The following FAF1 variants were observed in gnomAD, a reference collection of about 807,000 sequenced individuals.
FAF1 encodes FAS-associated factor 1.
Under a neutral mutation model 92.5 loss-of-function variants are expected in FAF1, and 25 were observed. The observed-to-expected ratio is 0.27, with a 90% confidence interval of 0.20 to 0.38. FAF1 has a LOEUF of 0.38. Ranked by LOEUF, FAF1 falls within the 10% of genes least tolerant of loss-of-function variation. The probability of loss-of-function intolerance (pLI) is 1.00; values close to 1 mark genes in which losing one functional copy is unlikely to be tolerated. For synonymous variants in FAF1, 234 were observed against 273.2 expected (o/e 0.86, Z 1.42); for missense variants, 636 against 793.3 (o/e 0.80, Z 2.38).
At chr1:50,846,502 G>T in intron 2 of FAF1, 1 of 493,788 alleles carries the variant, frequency 2.0e-6, no homozygotes, top group South Asian at 1.5e-5. Flanking sequence ...AATCCTGAAA[G>T]CCATGCCGCG....
In FAF1 at chr1:50,548,697, ACT is replaced by A. The variant is rs569841001; in HGVS notation, c.1269-8971_1269-8970del. Among the ~76,000 whole-genome samples, 11 of 152,342 alleles carry A rather than the reference ACT, an allele frequency of 7.2e-5. No homozygotes were observed. In the South Asian group the frequency reaches 2.3e-3, roughly 32 times the overall value. On this transcript the variant is annotated intron_variant, in intron 13 of 18. Coordinates refer to ENST00000396153, the MANE Select transcript of FAF1 (RefSeq NM_007051.3). ...TACTGTCTAATTTTTAGCAAACTGT[ACT>A]TTTTATATAATTTCATCCTGTCACC... is the stretch of plus-strand genomic sequence containing the variant.
At chr1:50,734,221 T>C in intron 6 of FAF1, among the ~76,000 whole-genome samples, 1 of 152,234 alleles carries the variant, frequency 6.6e-6, no homozygotes, top group Admixed American at 6.5e-5. Context: ...TTCTCCTTCC[T>C]TCACCATCAA....
At chr1:50,590,198 C>CA (rs1275367361) in intron 9 of FAF1, among the ~76,000 whole-genome samples, 5 of 152,116 alleles carry the variant, frequency 3.3e-5, no homozygotes, top group African/African-American at 1.2e-4. Flanking sequence ...TCTATTTCTG[C>CA]AAAAAACCAC....
At position 50,503,860 on chromosome 1, in the gene FAF1, G is replaced by A. The variant is rs572869796; in HGVS notation, c.1495-12059C>T. 7.9e-5 allele frequency among the ~76,000 whole-genome samples: 12 copies of A among 152,288 alleles called. No individual in the cohort carries two copies. In the South Asian group the frequency reaches 1.9e-3, roughly 24 times the overall value. On this transcript the variant is annotated intron_variant, in intron 15 of 18. Transcript: ENST00000396153. ...CAAATCTATGCTGACAGAAAGTTCA[G>A]TGGATATGTGGGACTTGGCTTGACA... is the stretch of plus-strand genomic sequence containing the variant.
At chr1:50,570,866 G>A (rs905204613) in intron 12 of FAF1, among the ~76,000 whole-genome samples, 3 of 152,214 alleles carry the variant, frequency 2.0e-5, no homozygotes, top group Non-Finnish European at 4.4e-5. Flanking sequence ...CAGGCCAAAA[G>A]AGTGAGAACT....
intron 4 of FAF1, 51 bp from the exon 5 acceptor site, chr1:50,744,826 C>T (rs1659523215): frequency 2.7e-6 from 3 of 1,100,888 alleles, no homozygotes; most frequent in Non-Finnish European, 4.1e-6. Flanking sequence ...ACACAGTTAA[C>T]ATTTGTCCAT....
At chr1:50,708,534 T>C (rs1375480985) in intron 6 of FAF1, among the ~76,000 whole-genome samples, 3 of 148,550 alleles carry the variant, frequency 2.0e-5, no homozygotes, top group Non-Finnish European at 4.5e-5. Context: ...AAAAAAAAAA[T>C]GTCATGTAGA....
At chr1:50,841,026 T>C (rs781014519) in intron 2 of FAF1, among the ~76,000 whole-genome samples, 9 of 152,036 alleles carry the variant, frequency 5.9e-5, no homozygotes, top group Non-Finnish European at 1.2e-4. Context: ...ATGCTATTAT[T>C]TGATAAAAAT....
intron 15 of FAF1, among the ~76,000 whole-genome samples, chr1:50,519,285 C>T (rs549766421): frequency 1.2e-4 from 18 of 150,550 alleles, no homozygotes; most frequent in African/African-American, 2.9e-4. Context: ...GTCGAGACCA[C>T]GCCACTGCAC....
rs1645302228 is a variant in FAF1 at position 50,959,906 on chromosome 1, C to A, written c.-95G>T. 1.0e-5 allele frequency: 8 copies of A among 781,544 alleles called. No individual in the cohort carries two copies. The highest frequency in any genetic ancestry group is 1.9e-5 in the African/African-American group (1 of 53,240). The allele number at this position is 781,544 out of a possible 1,614,324, so 48.4% of individuals were successfully genotyped here. Reference sequence around the variant, plus strand: ...CCGTCGCCGCCACCGCCGCCGCCGCCGCCGGGCGCCGAGGGGCTGGCGGGC... The same window carrying A: ...CCGTCGCCGCCACCGCCGCCGCCGCAGCCGGGCGCCGAGGGGCTGGCGGGC... On this transcript the variant is annotated 5_prime_UTR_variant, in exon 1 of 19. Transcript: ENST00000396153.
intron 7 of FAF1, among the ~76,000 whole-genome samples, chr1:50,671,515 C>A (rs1360939882): frequency 6.6e-6 from 1 of 152,180 alleles, no homozygotes; most frequent in Non-Finnish European, 1.5e-5. Context: ...AGCATGATTA[C>A]ATTGAATTAG....
chr1:50,608,298 A>G (rs896750500), intron 8 of FAF1, among the ~76,000 whole-genome samples: 1 of 152,122 alleles, frequency 6.6e-6, no homozygotes, highest in African/African-American at 2.4e-5. Flanking sequence ...CCCTGTCCCT[A>G]TTTTAGCTAG....
At chr1:50,785,092 T>A (rs1661311341) in intron 4 of FAF1, among the ~76,000 whole-genome samples, 1 of 131,956 alleles carries the variant, frequency 7.6e-6, no homozygotes, top group Non-Finnish European at 1.5e-5. Flanking sequence ...AAGACCTTGC[T>A]ACTGTCCTCC....
intron 17 of FAF1, among the ~76,000 whole-genome samples, chr1:50,477,771 A>C (rs1468182727): frequency 6.6e-6 from 1 of 152,246 alleles, no homozygotes; most frequent in Non-Finnish European, 1.5e-5. Context: ...CCATAATGGC[A>C]TGGGAGCATG....
chr1:50,470,049 GT>G (rs1232332723), intron 18 of FAF1, among the ~76,000 whole-genome samples: 1 of 152,116 alleles, frequency 6.6e-6, no homozygotes, highest in Non-Finnish European at 1.5e-5. Context: ...TTGCATTAAA[GT>G]TTTTCCTTCT....
At position 50,836,170 on chromosome 1, in the gene FAF1, G is replaced by GTTTTTTT. The variant is rs36053491; in HGVS notation, c.114+21752_114+21758dup. On this transcript the variant is annotated intron_variant, in intron 2 of 18. Coordinates refer to ENST00000396153, the MANE Select transcript of FAF1 (RefSeq NM_007051.3). ...GTGTGTGTTTTTGTTTTTTGTTTCT[G>GTTTTTTT]TTTTTTTTTTTTTTTTTTTAGACAG... Among the ~76,000 whole-genome samples, 268 of 98,500 alleles carry GTTTTTTT rather than the reference G, an allele frequency of 2.7e-3. 26 individuals are homozygous for GTTTTTTT. The highest frequency in any genetic ancestry group is 4.6e-3 in the Non-Finnish European group (228 of 49,722). The allele number at this position is 98,500 out of a possible 152,430, so 64.6% of individuals were successfully genotyped here. A position where few individuals can be genotyped will look rare whatever the true frequency, so the allele number is the denominator to read the frequency against.
intron 8 of FAF1, among the ~76,000 whole-genome samples, chr1:50,649,774 T>TA (rs1191325149): frequency 1.5e-5 from 2 of 129,368 alleles, no homozygotes; most frequent in African/African-American, 5.9e-5. Flanking sequence ...ACCGCGTCTC[T>TA]ACTAAAACTA....
intron 7 of FAF1, among the ~76,000 whole-genome samples, chr1:50,674,259 AT>A (rs59709788): frequency 5.0e-4 from 73 of 147,458 alleles, no homozygotes; most frequent in East Asian, 6.0e-4. Flanking sequence ...CCCCAAGGCA[AT>A]TTTTTTTTTT....
chr1:50,742,015 ATAAG>A (rs1414896334), intron 5 of FAF1, among the ~76,000 whole-genome samples: 3 of 152,184 alleles, frequency 2.0e-5, no homozygotes, highest in Admixed American at 6.5e-5. Flanking sequence ...GTACATAGAA[ATAAG>A]TAACTGAGGC....
Sources: allele counts gnomAD v4.1 joint callset (sites outside exome capture counted in the v4.1 genomes callset), GRCh38; gene constraint gnomAD v4.1.1; transcripts MANE v1.5; gene names NCBI Gene and HGNC (gene_info 2026-07-23, HGNC 2026-07-21).